The following STIM2 variants were observed in gnomAD, a reference collection of about 807,000 sequenced individuals.
STIM2 encodes stromal interaction molecule 2.
A neutral mutation model predicts 85.8 loss-of-function variants in STIM2; 31 were observed. That is an observed-to-expected ratio of 0.36 (90% CI 0.27 to 0.49). STIM2 has a LOEUF of 0.49. Among genes scored for constraint, STIM2 ranks in the 20% least tolerant of loss-of-function variants. The pLI is 0.98. For missense variants in STIM2, 841 were observed against 927.6 expected, an observed-to-expected ratio of 0.91 and a Z score of 1.21; for synonymous variants, 356 against 331.1, an observed-to-expected ratio of 1.08 and a Z score of -0.82.
intron 3 of STIM2, among the ~76,000 whole-genome samples, chr4:26,970,197 G>GTGTATATATATATATATATATATATATA (rs1368139688): frequency 5.3e-5 from 3 of 56,668 alleles, no homozygotes; most frequent in African/African-American, 2.4e-4. Flanking sequence ...TTTAGTGTGT[G>GTGTATATATATATATATATATATATATA]TGTATATATA....
At position 26,891,937 on chromosome 4, in the gene STIM2, C is replaced by A. The variant is rs146905574; in HGVS notation, c.152-27567C>A. Among the ~76,000 whole-genome samples the A allele has an allele frequency of 5.2e-3, 788 of 152,264 alleles. 5 individuals carry two copies. Among genetic ancestry groups the A allele is most frequent in the African/African-American group, 0.018 (749 of 41,528 alleles). ...ATTCCTATGTGTTGTGCGAGGGACC[C>A]AGTGGGAGATGATTGAATCTTGGGT... On this transcript the variant is annotated intron_variant, in intron 1 of 11. Coordinates refer to ENST00000467087, the MANE Select transcript of STIM2 (RefSeq NM_020860.4).
intron 3 of STIM2, among the ~76,000 whole-genome samples, chr4:26,980,058 C>T (rs1727328103): frequency 6.6e-6 from 1 of 152,118 alleles, no homozygotes; most frequent in Non-Finnish European, 1.5e-5. Context: ...GCCACTGGGC[C>T]CAGCCCCACT....
At chr4:26,884,002 C>A (rs1723119009) in intron 1 of STIM2, among the ~76,000 whole-genome samples, 1 of 152,240 alleles carries the variant, frequency 6.6e-6, no homozygotes, top group Admixed American at 6.5e-5. Flanking sequence ...AATGGATGAG[C>A]CTCTCAGCAA....
intron 2 of STIM2, among the ~76,000 whole-genome samples, chr4:26,952,477 C>T (rs773314224): frequency 9.2e-5 from 14 of 152,110 alleles, no homozygotes; most frequent in South Asian, 8.3e-4. Context: ...CATTGAGTGT[C>T]GACTATGTAC....
At chr4:27,021,241 C>CT in intron 11 of STIM2, 2 of 574,488 alleles carry the variant, frequency 3.5e-6, no homozygotes, top group Middle Eastern at 4.7e-4. Context: ...TTATTTATTT[C>CT]TTTTTTTCTG....
intron 1 of STIM2, among the ~76,000 whole-genome samples, chr4:26,868,941 T>C (rs989596953): frequency 6.6e-6 from 1 of 152,322 alleles, no homozygotes; most frequent in South Asian, 2.1e-4. Context: ...AGTGCAATTA[T>C]AGGTACCCCT....
chr4:26,893,470 G>T (rs1304604086), intron 1 of STIM2, among the ~76,000 whole-genome samples: 1 of 152,082 alleles, frequency 6.6e-6, no homozygotes, highest in Non-Finnish European at 1.5e-5. Context: ...TGTGAGATTT[G>T]TCCATTTTGT....
At chr4:26,977,756 G>A (rs1208539399) in intron 3 of STIM2, among the ~76,000 whole-genome samples, 2 of 152,112 alleles carry the variant, frequency 1.3e-5, no homozygotes, top group Admixed American at 1.3e-4. Flanking sequence ...GTCTCATGGG[G>A]GAGGTTGTTA....
At chr4:27,016,010 T>C (rs1728720339) in intron 10 of STIM2, among the ~76,000 whole-genome samples, 1 of 152,210 alleles carries the variant, frequency 6.6e-6, no homozygotes, top group East Asian at 1.9e-4. Flanking sequence ...CTTTTTATAG[T>C]CTTTTGATCT....
At chr4:26,874,184 G>T in intron 1 of STIM2, 1 of 492,988 alleles carries the variant, frequency 2.0e-6, no homozygotes, top group South Asian at 1.6e-5. Flanking sequence ...TGGCTGTCAG[G>T]GGCAGCCTCC....
chr4:26,940,789 G>C (rs1725581318), intron 2 of STIM2, among the ~76,000 whole-genome samples: 1 of 151,878 alleles, frequency 6.6e-6, no homozygotes, highest in Non-Finnish European at 1.5e-5. Flanking sequence ...ATTTATATTA[G>C]AGCCCCATAG....
At chr4:26,970,352 C>T (rs1214325382) in intron 3 of STIM2, among the ~76,000 whole-genome samples, 1 of 151,548 alleles carries the variant, frequency 6.6e-6, no homozygotes, top group Non-Finnish European at 1.5e-5. Flanking sequence ...CACCCATTAA[C>T]TTATTTACAT....
intron 1 of STIM2, among the ~76,000 whole-genome samples, chr4:26,875,136 A>G (rs1722772270): frequency 1.3e-5 from 2 of 152,184 alleles, no homozygotes; most frequent in African/African-American, 4.8e-5. Context: ...TATACAAAGC[A>G]TATCCATATT....
chr4:26,873,616 G>C (rs1006518461), intron 1 of STIM2: 11 of 534,926 alleles, frequency 2.1e-5, no homozygotes, highest in Admixed American at 7.7e-5. Flanking sequence ...GACAGGGCTT[G>C]TTTCCTGCAG....
At chr4:27,008,255 C>CT (rs1176968396) in intron 8 of STIM2, among the ~76,000 whole-genome samples, 173 bp from the exon 9 acceptor site, 7 of 152,192 alleles carry the variant, frequency 4.6e-5, no homozygotes, top group African/African-American at 1.7e-4. Context: ...AGCACGTTTT[C>CT]TCCCTCATCT....
At chr4:26,936,128 T>A (rs750152917) in intron 2 of STIM2, among the ~76,000 whole-genome samples, 8 of 152,220 alleles carry the variant, frequency 5.3e-5, no homozygotes, top group Non-Finnish European at 7.3e-5. Context: ...ATTGTGCAAG[T>A]TATTGAGACA....
intron 2 of STIM2, among the ~76,000 whole-genome samples, chr4:26,939,251 G>A (rs993947370): frequency 1.2e-4 from 18 of 152,068 alleles, no homozygotes; most frequent in African/African-American, 4.3e-4. Flanking sequence ...CCATCTTAAG[G>A]ACTCTACCAA....
intron 1 of STIM2, among the ~76,000 whole-genome samples, chr4:26,871,704 CTTTTTT>C (rs35869869): frequency 7.7e-6 from 1 of 129,524 alleles, no homozygotes; most frequent in African/African-American, 2.9e-5. Flanking sequence ...TGTTTTCACC[CTTTTTT>C]TTTTTTTTTT....
At chr4:26,955,585 G>T (rs1317752854) in intron 2 of STIM2, among the ~76,000 whole-genome samples, 4 of 148,270 alleles carry the variant, frequency 2.7e-5, no homozygotes, top group Admixed American at 2.7e-4. Context: ...ATGACAGGAG[G>T]ACTTGTAGCA....
Sources: allele counts gnomAD v4.1 joint callset (sites outside exome capture counted in the v4.1 genomes callset), GRCh38; gene constraint gnomAD v4.1.1; transcripts MANE v1.5; gene names NCBI Gene and HGNC (gene_info 2026-07-23, HGNC 2026-07-21).